PDE4D: variants seen among roughly 807,000 people sequenced by gnomAD.
PDE4D encodes 3',5'-cyclic-AMP phosphodiesterase 4D.
Under a neutral mutation model 87.4 loss-of-function variants are expected in PDE4D, and 24 were observed. That is an observed-to-expected ratio of 0.27 (90% confidence interval 0.20 to 0.39). The LOEUF is 0.39. Among genes scored for constraint, PDE4D ranks in the 10% least tolerant of loss-of-function variants. The pLI, the probability that PDE4D is intolerant of heterozygous loss-of-function variation, is 1.00. For missense variants in PDE4D, 714 were observed against 1,041.0 expected, an observed-to-expected ratio of 0.69 and a Z score of 4.32; for synonymous variants, 384 against 383.2, an observed-to-expected ratio of 1.00 and a Z score of -0.02.
chr5:59,738,918 G>C (rs889798745), intron 1 of PDE4D, among the ~76,000 whole-genome samples: 1 of 151,448 alleles, frequency 6.6e-6, no homozygotes, highest in African/African-American at 2.4e-5. Flanking sequence ...TATTTTCACA[G>C]TGATTAAAAA....
At chr5:60,389,832 A>G (rs1166399259) in intron 1 of PDE4D, among the ~76,000 whole-genome samples, 1 of 152,110 alleles carries the variant, frequency 6.6e-6, no homozygotes, top group Admixed American at 6.5e-5. Flanking sequence ...ACCCCATCCC[A>G]TTGGTCAAGC....
intron 1 of PDE4D, among the ~76,000 whole-genome samples, chr5:60,466,266 C>T (rs1400623700): frequency 6.6e-6 from 1 of 152,168 alleles, no homozygotes; most frequent in South Asian, 2.1e-4. Context: ...ACTAATTCCA[C>T]AAATTGGCTG....
intron 1 of PDE4D, among the ~76,000 whole-genome samples, chr5:59,606,419 CAAGTT>C (rs2150050444): frequency 6.6e-6 from 1 of 152,196 alleles, no homozygotes; most frequent in South Asian, 2.1e-4. Context: ...GAGACTTAGA[CAAGTT>C]ATTTCCTTTA....
intron 1 of PDE4D, among the ~76,000 whole-genome samples, chr5:59,880,850 TA>T (rs1187241094): frequency 8.5e-5 from 13 of 152,210 alleles, no homozygotes; most frequent in African/African-American, 3.1e-4. Flanking sequence ...AATATTGCTA[TA>T]GTGAGATTAT....
At chr5:59,324,046 C>A (rs1413334489) in intron 1 of PDE4D, among the ~76,000 whole-genome samples, 1 of 152,036 alleles carries the variant, frequency 6.6e-6, no homozygotes, top group East Asian at 1.9e-4. Flanking sequence ...CTGTGTCTAC[C>A]TGATACCCTC....
intron 1 of PDE4D, among the ~76,000 whole-genome samples, chr5:60,363,233 A>G (rs2149961105): frequency 1.3e-5 from 2 of 152,306 alleles, no homozygotes. Context: ...AGATTATCAT[A>G]CAGTCTGACT....
chr5:60,462,029 C>G (rs958911410), intron 1 of PDE4D, among the ~76,000 whole-genome samples: 1 of 152,068 alleles, frequency 6.6e-6, no homozygotes, highest in African/African-American at 2.4e-5. Context: ...AGGCCAGGAC[C>G]ACTCTAGGGC....
intron 1 of PDE4D, among the ~76,000 whole-genome samples, chr5:60,494,650 T>G (rs1001978613): frequency 6.6e-6 from 1 of 152,144 alleles, no homozygotes; most frequent in Non-Finnish European, 1.5e-5. Flanking sequence ...ATCAACTAAA[T>G]CTTTTTGTGT....
At position 59,415,442 on chromosome 5, in the gene PDE4D, G is replaced by A. The variant is rs562115158; in HGVS notation, c.456-199474C>T. Among the ~76,000 whole-genome samples the A allele has an allele frequency of 1.5e-3, 225 of 152,220 alleles. 1 individual carries two copies. Among genetic ancestry groups the A allele is most frequent in the African/African-American group, 5.1e-3 (213 of 41,530 alleles). ...AATCTAAATATGAACTGTCTAATAC[G>A]GCAGCCAATGGCCACAAGAGGCTGT... On this transcript the variant is annotated intron_variant, in intron 1 of 14. Transcript: ENST00000340635.
chr5:59,078,297 C>T (rs1309791186), intron 5 of PDE4D, among the ~76,000 whole-genome samples: 1 of 152,012 alleles, frequency 6.6e-6, no homozygotes, highest in Admixed American at 6.6e-5. Flanking sequence ...AAATAATCTC[C>T]AAAACATAGT....
rs569498299 is a variant in PDE4D, at chr5:60,425,105, T to A, written c.-90+62837A>T. ...ATCAATATTGTGAAAACGGCCACAC[T>A]GCCCAAGGTAATTTATAGATTCAAT... On this transcript the variant is annotated intron_variant, in intron 1 of 16. Coordinates refer to the PDE4D transcript ENST00000502484. Among the ~76,000 whole-genome samples, 32 of 152,290 alleles carry A rather than the reference T, an allele frequency of 2.1e-4. 2 individuals are homozygous for A. The South Asian group carries it at 6.6e-3, about 32-fold the overall frequency.
intron 1 of PDE4D, among the ~76,000 whole-genome samples, chr5:59,225,791 A>C (rs1753646158): frequency 6.8e-6 from 1 of 146,174 alleles, no homozygotes; most frequent in African/African-American, 2.6e-5. Context: ...CCTACAACTC[A>C]ATAGCAAAAC....
At chr5:60,518,709 A>G (rs1316083647) in intron 1 of PDE4D, among the ~76,000 whole-genome samples, 1 of 152,166 alleles carries the variant, frequency 6.6e-6, no homozygotes, top group Non-Finnish European at 1.5e-5. Flanking sequence ...TTTTTCTTCA[A>G]GAAAGATACT....
intron 1 of PDE4D, among the ~76,000 whole-genome samples, chr5:59,806,372 C>T (rs190398988): frequency 1.3e-5 from 2 of 152,304 alleles, no homozygotes; most frequent in African/African-American, 2.4e-5. Context: ...GAGCCTTTTT[C>T]TGGAGACCTG....
intron 2 of PDE4D, among the ~76,000 whole-genome samples, chr5:60,047,124 A>G (rs1769374609): frequency 6.6e-6 from 1 of 152,026 alleles, no homozygotes; most frequent in Non-Finnish European, 1.5e-5. Flanking sequence ...GAATTTATCC[A>G]TTTCTTCTAG....
At chr5:59,965,339 A>C (rs1759921664) in intron 3 of PDE4D, among the ~76,000 whole-genome samples, 1 of 152,154 alleles carries the variant, frequency 6.6e-6, no homozygotes, top group Non-Finnish European at 1.5e-5. Context: ...GAGAAACTCT[A>C]GCAGCATGGT....
At chr5:59,993,842 T>C (rs1197401525) in intron 2 of PDE4D, among the ~76,000 whole-genome samples, 2 of 152,046 alleles carry the variant, frequency 1.3e-5, no homozygotes, top group East Asian at 3.8e-4. Flanking sequence ...TGCTCACATA[T>C]TGAAATAACT....
intron 2 of PDE4D, among the ~76,000 whole-genome samples, chr5:60,096,258 C>T (rs1775671261): frequency 6.6e-6 from 1 of 151,984 alleles, no homozygotes; most frequent in South Asian, 2.1e-4. Context: ...AATAACTCCA[C>T]ACTCTACAAC....
intron 1 of PDE4D, among the ~76,000 whole-genome samples, chr5:59,465,325 C>T (rs954683113): frequency 6.6e-6 from 1 of 152,136 alleles, no homozygotes; most frequent in Non-Finnish European, 1.5e-5. Flanking sequence ...CCACCACTAC[C>T]ATCACCACCT....
Sources: allele counts gnomAD v4.1 joint callset (sites outside exome capture counted in the v4.1 genomes callset), GRCh38; gene constraint gnomAD v4.1.1; transcripts MANE v1.5; gene names NCBI Gene and HGNC (gene_info 2026-07-23, HGNC 2026-07-21).